The following SIMC1 variants were observed in gnomAD, a reference collection of about 807,000 sequenced individuals.
SIMC1 encodes the protein SUMO-interacting motif-containing protein 1.
Under a neutral mutation model 82.3 loss-of-function variants are expected in SIMC1, and 55 were observed. The observed-to-expected ratio is 0.67, with a 90% CI of 0.54 to 0.84. SIMC1 has a LOEUF of 0.84. Ranked by LOEUF, SIMC1 falls within the 40% of genes least tolerant of loss-of-function variation. SIMC1 has a pLI of 0.00. For synonymous variants in SIMC1, 353 were observed against 426.3 expected, an observed-to-expected ratio of 0.83 and a Z score of 2.12; for missense variants, 915 against 1,107.2, an observed-to-expected ratio of 0.83 and a Z score of 2.46.
rs190473816 is a variant in SIMC1 at position 176,262,740 on chromosome 5, G to T, written c.129+24103G>T. Among the ~76,000 whole-genome samples, 573 of 152,312 alleles carry T rather than the reference G, an allele frequency of 3.8e-3. 8 individuals are homozygous for T. The highest frequency in any genetic ancestry group is 0.012 in the African/African-American group (516 of 41,558). On this transcript the variant is annotated intron_variant, in intron 1 of 9. Coordinates refer to ENST00000429602, the MANE Select transcript of SIMC1 (RefSeq NM_001308195.2). ...GAATCACTTGAACCCAGGAAGCAGA[G>T]GTTGCAATGAGCCGAGATTGCACCA...
chr5:176,257,536 C>T (rs1421468709), intron 1 of SIMC1, among the ~76,000 whole-genome samples: 1 of 152,118 alleles, frequency 6.6e-6, no homozygotes, highest in Non-Finnish European at 1.5e-5. Flanking sequence ...GCCACAGACT[C>T]AAACAACCAG....
Position 176,295,264 on chromosome 5 carries a change from T to C in SIMC1, c.1664+2T>C. 1 of 1,610,510 alleles carries C rather than the reference T, an allele frequency of 6.2e-7. No homozygotes were observed. The highest frequency in any genetic ancestry group is 8.5e-7 in the Non-Finnish European group (1 of 1,178,192). On this transcript the variant is annotated splice_donor_variant, in intron 3 of 9. Transcript: ENST00000429602. LOFTEE classifies it high-confidence loss of function. The stretch of plus-strand genomic sequence containing the variant: ...CATGCTTCTCATGAAAATTCAACAG[T>C]ATGAACCGTAACCTCTGGCTGTTGG...
chr5:176,313,688 C>A lies in SIMC1; in HGVS notation c.1735-3C>A. Reference sequence around the variant, plus strand: ...GACTGACTTCTCATTCTTTTTCCCACAGGGACAAACTCTGCCTGGGCGAGT... The same window carrying A: ...GACTGACTTCTCATTCTTTTTCCCAAAGGGACAAACTCTGCCTGGGCGAGT... On this transcript the variant is annotated splice_region_variant and splice_polypyrimidine_tract_variant and intron_variant, in intron 4 of 9. Transcript: ENST00000429602. 3 of 1,612,988 alleles carry A rather than the reference C, an allele frequency of 1.9e-6. No individual in the cohort carries two copies. The highest frequency in any genetic ancestry group is 2.5e-6 in the Non-Finnish European group (3 of 1,179,440).
chr5:176,303,705 CAG>C (rs762387303), intron 4 of SIMC1, among the ~76,000 whole-genome samples: 26 of 152,170 alleles, frequency 1.7e-4, no homozygotes, highest in Non-Finnish European at 3.7e-4. Context: ...GTACTCAAAA[CAG>C]TGTGGTACAA....
At chr5:176,293,387 A>T (rs2113273768) in intron 2 of SIMC1, among the ~76,000 whole-genome samples, 1 of 151,960 alleles carries the variant, frequency 6.6e-6, no homozygotes, top group African/African-American at 2.4e-5. Flanking sequence ...GTGTGCCAGG[A>T]TCACGCCACA....
At chr5:176,325,885 A>T (rs1201964539) in intron 7 of SIMC1, among the ~76,000 whole-genome samples, 2 of 152,174 alleles carry the variant, frequency 1.3e-5, no homozygotes, top group African/African-American at 4.8e-5. Flanking sequence ...AAAGAGTTGG[A>T]CCTATAGAAT....
chr5:176,301,200 A>G (rs1280465218), intron 4 of SIMC1, among the ~76,000 whole-genome samples: 2 of 152,254 alleles, frequency 1.3e-5, no homozygotes, highest in Non-Finnish European at 2.9e-5. Context: ...GGTGGGAGGT[A>G]ATTGAATCAT....
chr5:176,272,884 G>A (rs1205035739), intron 1 of SIMC1, among the ~76,000 whole-genome samples: 2 of 152,198 alleles, frequency 1.3e-5, no homozygotes, highest in African/African-American at 4.8e-5. Flanking sequence ...GCGAGGCTTG[G>A]GGAAGGGTGC....
chr5:176,255,396 A>G (rs1761816106), intron 1 of SIMC1, among the ~76,000 whole-genome samples: 1 of 152,152 alleles, frequency 6.6e-6, no homozygotes, highest in Non-Finnish European at 1.5e-5. Context: ...AGCCTGGCCA[A>G]CATGGTGAAA....
chr5:176,313,395 T>C, intron 4 of SIMC1: 2 of 1,540,490 alleles, frequency 1.3e-6, no homozygotes, highest in Non-Finnish European at 1.7e-6. Context: ...GATTGCAGCT[T>C]AGGTGTTAGA....
intron 4 of SIMC1, chr5:176,308,401 A>G: frequency 1.9e-6 from 3 of 1,606,544 alleles, no homozygotes; most frequent in Non-Finnish European, 2.6e-6. Context: ...CTGACAGGCC[A>G]CCCCATGAGA....
intron 1 of SIMC1, among the ~76,000 whole-genome samples, chr5:176,287,443 CA>C (rs1763340137): frequency 3.9e-5 from 6 of 152,168 alleles, no homozygotes; most frequent in South Asian, 2.1e-4. Context: ...AACACTTGGA[CA>C]CAGGAAGGGC....
chr5:176,252,669 C>G (rs1468536469), intron 1 of SIMC1, among the ~76,000 whole-genome samples: 1 of 150,074 alleles, frequency 6.7e-6, no homozygotes, highest in Non-Finnish European at 1.5e-5. Context: ...GGCAGCCAGG[C>G]AGAGGGGCTC....
At chr5:176,329,441 CAGTCCAGCCTGGGCGAAAG>C (rs1258594006) in intron 7 of SIMC1, among the ~76,000 whole-genome samples, 29 of 148,870 alleles carry the variant, frequency 1.9e-4, no homozygotes, top group Non-Finnish European at 3.1e-4. Context: ...AGTGCAACTG[CAGTCCAGCCTGGGCGAAAG>C]AGTCCAGCCT....
intron 1 of SIMC1, among the ~76,000 whole-genome samples, chr5:176,281,605 T>G (rs1269899137): frequency 6.6e-6 from 1 of 152,202 alleles, no homozygotes; most frequent in Non-Finnish European, 1.5e-5. Context: ...GATGGGTTTT[T>G]GGTGTGGATG....
At chr5:176,253,108 C>T (rs1180127182) in intron 1 of SIMC1, among the ~76,000 whole-genome samples, 3 of 152,210 alleles carry the variant, frequency 2.0e-5, no homozygotes, top group Non-Finnish European at 4.4e-5. Context: ...AGCTTCGGCT[C>T]GGCATCAGAG....
At chr5:176,312,065 C>T (rs1189470876) in intron 4 of SIMC1, among the ~76,000 whole-genome samples, 1 of 152,074 alleles carries the variant, frequency 6.6e-6, no homozygotes, top group Non-Finnish European at 1.5e-5. Context: ...TCTAGCATAG[C>T]AGAAAGCAAT....
intron 1 of SIMC1, chr5:176,263,564 A>G (rs1762087516): frequency 5.1e-6 from 7 of 1,384,404 alleles, no homozygotes; most frequent in East Asian, 2.7e-5. Context: ...TGCAGGAACT[A>G]TGAGTGAGAA....
At chr5:176,282,091 G>T (rs1434127849) in intron 1 of SIMC1, among the ~76,000 whole-genome samples, 2 of 152,264 alleles carry the variant, frequency 1.3e-5, no homozygotes, top group African/African-American at 4.8e-5. Context: ...CACCCAGTTG[G>T]AGCTTCCCGG....
Sources: gnomAD v4.1 joint callset for allele counts (sites outside exome capture counted in the v4.1 genomes callset) on GRCh38, gnomAD v4.1.1 for gene constraint, MANE v1.5 for transcripts, NCBI Gene and HGNC (gene_info 2026-07-23, HGNC 2026-07-21) for gene names.